TAFA2: variants seen among roughly 807,000 people sequenced by gnomAD.
TAFA2 encodes TAFA chemokine like family member 2.
In TAFA2, 7 loss-of-function variants were observed where a neutral mutation model predicts 18.8. The ratio of observed to expected loss-of-function variants is 0.37; its 90% CI spans 0.21 to 0.70. TAFA2 has a LOEUF of 0.70. Ranked by LOEUF, TAFA2 falls within the 30% of genes least tolerant of loss-of-function variation. The pLI is 0.53. For synonymous variants in TAFA2, 60 were observed against 54.2 expected, an observed-to-expected ratio of 1.11 and a Z score of -0.47; for missense variants, 122 against 158.1, an observed-to-expected ratio of 0.77 and a Z score of 1.23.
chr12:61,890,862 C>A (rs1391743246), intron 1 of TAFA2, among the ~76,000 whole-genome samples: 1 of 152,110 alleles, frequency 6.6e-6, no homozygotes, highest in Non-Finnish European at 1.5e-5. Flanking sequence ...GTATCCTCCT[C>A]AACATCGTAG....
chr12:61,748,259 C>T (rs2120731800), intron 4 of TAFA2, among the ~76,000 whole-genome samples: 1 of 152,174 alleles, frequency 6.6e-6, no homozygotes, highest in South Asian at 2.1e-4. Flanking sequence ...TGTAGTAGAT[C>T]ACTAAGTAAG....
intron 1 of TAFA2, among the ~76,000 whole-genome samples, chr12:61,973,628 T>A (rs535851606): frequency 3.3e-5 from 5 of 151,758 alleles, no homozygotes; most frequent in African/African-American, 1.2e-4. Context: ...TTGTTATTTT[T>A]TTGAAGCTCC....
intron 1 of TAFA2, chr12:62,242,302 A>G (rs534734718): frequency 1.6e-4 from 24 of 152,376 alleles, no homozygotes; most frequent in African/African-American, 5.8e-4. Context: ...ATAAAAATTA[A>G]AAATCAAGCA....
chr12:62,167,226 G>A (rs1369771758), intron 1 of TAFA2, among the ~76,000 whole-genome samples: 1 of 151,976 alleles, frequency 6.6e-6, no homozygotes, highest in Non-Finnish European at 1.5e-5. Flanking sequence ...GGAAGATGAA[G>A]GGGACAAGGA....
At chr12:62,021,797 G>A (rs945989315) in intron 1 of TAFA2, 3 of 921,514 alleles carry the variant, frequency 3.3e-6, no homozygotes, top group South Asian at 1.3e-5. Context: ...CAGTGACAAT[G>A]TAATAGTTAA....
intron 1 of TAFA2, among the ~76,000 whole-genome samples, chr12:62,118,437 T>C (rs968128221): frequency 3.3e-5 from 5 of 152,156 alleles, no homozygotes; most frequent in Non-Finnish European, 7.4e-5. Flanking sequence ...GATGTTAACA[T>C]CTTTACACAT....
In TAFA2 at chr12:62,168,307, C is replaced by A. The variant is rs185570509; in HGVS notation, c.-2+22952G>T. Reference sequence around the variant, plus strand: ...GCATCAATAAAGATACACAACTATACACCACCACCTATGAAATATTCTTGC... The same window carrying A: ...GCATCAATAAAGATACACAACTATAAACCACCACCTATGAAATATTCTTGC... On this transcript the variant is annotated intron_variant, in intron 1 of 4. Transcript: ENST00000416284. 1.8e-4 allele frequency among the ~76,000 whole-genome samples: 27 copies of A among 152,218 alleles called. No individual in the cohort carries two copies. The East Asian group carries it at 4.6e-3, about 26-fold the overall frequency.
At chr12:62,209,751 C>T (rs1426262368) in intron 1 of TAFA2, among the ~76,000 whole-genome samples, 1 of 152,114 alleles carries the variant, frequency 6.6e-6, no homozygotes, top group African/African-American at 2.4e-5. Flanking sequence ...AAGTAGAGGA[C>T]GATGTTTACA....
chr12:62,254,967 T>C lies in TAFA2; in HGVS notation c.-130+3796A>G, dbSNP rs1335724617. Among the ~76,000 whole-genome samples the C allele has an allele frequency of 3.9e-5, 6 of 152,334 alleles. No individual in the cohort carries two copies. In the South Asian group the frequency reaches 8.3e-4, roughly 21 times the overall value. On this transcript the variant is annotated intron_variant, in intron 1 of 5. Coordinates refer to the TAFA2 transcript ENST00000551619. ...AAAGTTAATCTCTCTGGAATCTATATAGCTGCAGAATCACTGGACCATTGA... is the reference window on the plus strand; with the variant it reads ...AAAGTTAATCTCTCTGGAATCTATACAGCTGCAGAATCACTGGACCATTGA...
intron 1 of TAFA2, among the ~76,000 whole-genome samples, chr12:62,156,474 T>C (rs1197859360): frequency 6.6e-6 from 1 of 152,128 alleles, no homozygotes; most frequent in Admixed American, 6.6e-5. Context: ...GAAATTACTA[T>C]ATGAAAAAGA....
intron 1 of TAFA2, among the ~76,000 whole-genome samples, chr12:62,095,714 A>C (rs1204993117): frequency 6.6e-6 from 1 of 152,134 alleles, no homozygotes; most frequent in Non-Finnish European, 1.5e-5. Flanking sequence ...AGGAATCTGC[A>C]TTCAACCCTA....
At chr12:62,171,007 A>G (rs1483060948) in intron 1 of TAFA2, among the ~76,000 whole-genome samples, 1 of 152,210 alleles carries the variant, frequency 6.6e-6, no homozygotes, top group Non-Finnish European at 1.5e-5. Flanking sequence ...GTTTAGGACA[A>G]ATAAGTAGTT....
intron 1 of TAFA2, among the ~76,000 whole-genome samples, chr12:62,003,969 A>G (rs1880463380): frequency 6.6e-6 from 1 of 152,202 alleles, no homozygotes; most frequent in Non-Finnish European, 1.5e-5. Context: ...TACCGTCTAA[A>G]AGTTAATCTC....
intron 1 of TAFA2, among the ~76,000 whole-genome samples, chr12:62,174,328 GAAGA>G (rs2062498242): frequency 6.7e-6 from 1 of 150,148 alleles, no homozygotes; most frequent in Non-Finnish European, 1.5e-5. Flanking sequence ...AAAAAAAGAA[GAAGA>G]AGGAAACGTT....
intron 1 of TAFA2, among the ~76,000 whole-genome samples, chr12:62,070,815 G>C (rs535378081): frequency 4.6e-5 from 7 of 151,814 alleles, no homozygotes; most frequent in Non-Finnish European, 8.8e-5. Flanking sequence ...GTTCATCATT[G>C]CAGGGGACAG....
rs543109112 is a variant in TAFA2 at position 61,745,816 on chromosome 12, T to A, written c.384+7806A>T. On this transcript the variant is annotated intron_variant, in intron 4 of 4. Coordinates refer to ENST00000416284, the MANE Select transcript of TAFA2 (RefSeq NM_178539.5). ...CTGGACTATCTAGGAGGACACAATG[T>A]AATCATCTGTACCCCGAAAAGGCAG... Among the ~76,000 whole-genome samples the A allele has an allele frequency of 4.3e-4, 66 of 152,084 alleles. 1 individual carries two copies. In the South Asian group the frequency reaches 0.013, roughly 29 times the overall value.
intron 1 of TAFA2, among the ~76,000 whole-genome samples, chr12:62,174,150 G>A (rs1446497874): frequency 2.0e-5 from 3 of 152,046 alleles, no homozygotes; most frequent in South Asian, 2.1e-4. Context: ...AAAATTAGCC[G>A]GTGTGGTGGC....
intron 2 of TAFA2, among the ~76,000 whole-genome samples, chr12:61,827,753 C>G (rs1346474751): frequency 6.6e-6 from 1 of 151,928 alleles, no homozygotes; most frequent in Non-Finnish European, 1.5e-5. Flanking sequence ...ATTTTCCTAT[C>G]AATAGACCAT....
At chr12:61,805,447 T>G (rs1379036488) in intron 2 of TAFA2, among the ~76,000 whole-genome samples, 2 of 152,102 alleles carry the variant, frequency 1.3e-5, no homozygotes, top group Non-Finnish European at 2.9e-5. Context: ...ATTTATATTT[T>G]TCATTGTAAA....
Sources: gnomAD v4.1 joint callset for allele counts (sites outside exome capture counted in the v4.1 genomes callset) on GRCh38, gnomAD v4.1.1 for gene constraint, MANE v1.5 for transcripts, NCBI Gene and HGNC (gene_info 2026-07-23, HGNC 2026-07-21) for gene names.